The following ZDHHC2 variants were observed in gnomAD, a reference collection of about 807,000 sequenced individuals.
The protein encoded by ZDHHC2 is palmitoyltransferase ZDHHC2.
Under a neutral mutation model 55.6 loss-of-function variants are expected in ZDHHC2, and 51 were observed. The observed-to-expected ratio is 0.92, with a 90% CI of 0.73 to 1.16. The LOEUF is 1.16. ZDHHC2 is among the 50% of genes most tolerant of loss of function. The pLI, the probability that ZDHHC2 is intolerant of heterozygous loss-of-function variation, is 0.00. For synonymous variants in ZDHHC2, 199 were observed against 152.9 expected, an observed-to-expected ratio of 1.30 and a Z score of -2.22; for missense variants, 491 against 442.4, an observed-to-expected ratio of 1.11 and a Z score of -0.99.
chr8:17,178,871 A>C (rs1237375032), intron 1 of ZDHHC2, among the ~76,000 whole-genome samples: 2 of 152,200 alleles, frequency 1.3e-5, no homozygotes, highest in African/African-American at 2.4e-5. Flanking sequence ...ATAACAAAAA[A>C]CTGTCACTCT....
chr8:17,194,844 T>C (rs1806224027), intron 3 of ZDHHC2, among the ~76,000 whole-genome samples: 1 of 152,182 alleles, frequency 6.6e-6, no homozygotes, highest in Non-Finnish European at 1.5e-5. Flanking sequence ...CTGAGATTTT[T>C]CTTGTACATG....
intron 1 of ZDHHC2, among the ~76,000 whole-genome samples, chr8:17,181,323 T>A (rs1348664100): frequency 6.6e-6 from 1 of 152,186 alleles, no homozygotes; most frequent in African/African-American, 2.4e-5. Flanking sequence ...TTTAATATGA[T>A]CCAGCAGAGC....
chr8:17,203,291 G>T (rs1183384991), intron 6 of ZDHHC2, among the ~76,000 whole-genome samples: 2 of 151,930 alleles, frequency 1.3e-5, no homozygotes, highest in African/African-American at 4.8e-5. Context: ...TTGTCGCCCA[G>T]GCTGGAGTGC....
intron 12 of ZDHHC2, among the ~76,000 whole-genome samples, chr8:17,218,305 G>C (rs1413871416): frequency 1.3e-5 from 2 of 152,112 alleles, no homozygotes; most frequent in Admixed American, 1.3e-4. Context: ...TAATTTTAGA[G>C]TATAGCTATA....
rs1201617548 is a variant in ZDHHC2 at position 17,205,642 on chromosome 8, G to T, written c.477-13G>T. 2.5e-6 allele frequency: 4 copies of T among 1,584,822 alleles called. No individual in the cohort carries two copies. The highest frequency in any genetic ancestry group is 3.4e-6 in the Non-Finnish European group (4 of 1,170,626). Reference sequence around the variant, plus strand: ...TGTAAAACTCACTGGAAATGTTTTTGTTTTGTTAACAGGGTGAACAATTGT... The same window carrying T: ...TGTAAAACTCACTGGAAATGTTTTTTTTTTGTTAACAGGGTGAACAATTGT... On this transcript the variant is annotated splice_polypyrimidine_tract_variant and intron_variant, in intron 6 of 12. Coordinates refer to ENST00000262096, the MANE Select transcript of ZDHHC2 (RefSeq NM_016353.5).
intron 1 of ZDHHC2, among the ~76,000 whole-genome samples, chr8:17,174,392 C>G (rs1403905084): frequency 6.6e-6 from 1 of 152,162 alleles, no homozygotes; most frequent in Non-Finnish European, 1.5e-5. Context: ...ATCACGAAGA[C>G]TTGGAATGCG....
Position 17,158,484 on chromosome 8 carries a change from G to A in ZDHHC2, c.130+1631G>A, listed in dbSNP as rs578259326. Among the ~76,000 whole-genome samples, 41 of 152,348 alleles carry A rather than the reference G, an allele frequency of 2.7e-4. 1 individual carries two copies. The highest frequency in any genetic ancestry group is 9.4e-4 in the African/African-American group (39 of 41,580). ...CATTAAGAGGAAGCATTTGAAGGCA[G>A]AGAGAGCTCTTCTGCCCGTTAGAAG... On this transcript the variant is annotated intron_variant, in intron 1 of 12. Transcript: ENST00000262096.
chr8:17,206,881 A>G (rs1000862728), intron 7 of ZDHHC2, among the ~76,000 whole-genome samples: 2 of 152,172 alleles, frequency 1.3e-5, no homozygotes, highest in African/African-American at 2.4e-5. Context: ...ATTTAATACC[A>G]AAGAGTTATT....
At chr8:17,187,486 A>C (rs539869702) in intron 3 of ZDHHC2, among the ~76,000 whole-genome samples, 8 of 152,330 alleles carry the variant, frequency 5.3e-5, no homozygotes, top group African/African-American at 1.9e-4. Flanking sequence ...CAAAAAAGCC[A>C]ATAAATATGC....
At chr8:17,210,537 T>A (rs745617930) in intron 10 of ZDHHC2, 57 bp downstream of exon 10, 4 of 1,430,130 alleles carry the variant, frequency 2.8e-6, no homozygotes, top group Non-Finnish European at 3.8e-6. Flanking sequence ...CCATATTGTG[T>A]CTTTTGGTTA....
chr8:17,179,029 C>T (rs1392477959), intron 1 of ZDHHC2, among the ~76,000 whole-genome samples: 1 of 152,170 alleles, frequency 6.6e-6, no homozygotes, highest in East Asian at 1.9e-4. Context: ...CAGCTCACTG[C>T]AGCCTCGACC....
At chr8:17,160,265 C>A (rs1804271365) in intron 1 of ZDHHC2, among the ~76,000 whole-genome samples, 1 of 152,204 alleles carries the variant, frequency 6.6e-6, no homozygotes. Flanking sequence ...CTTCCACATA[C>A]ACTTGTGTAA....
At chr8:17,168,355 A>AAAC (rs1344086276) in intron 1 of ZDHHC2, among the ~76,000 whole-genome samples, 1 of 152,190 alleles carries the variant, frequency 6.6e-6, no homozygotes, top group Non-Finnish European at 1.5e-5. Context: ...ATGAGATGTT[A>AAAC]AACAACAGTG....
chr8:17,198,498 A>G (rs368384392), intron 6 of ZDHHC2, 85 bp downstream of exon 6: 9 of 1,275,096 alleles, frequency 7.1e-6, no homozygotes, highest in Non-Finnish European at 9.6e-6. Flanking sequence ...ATCTTTTCAC[A>G]CATGAAATAT....
At chr8:17,169,770 G>A (rs17687043) in intron 1 of ZDHHC2, among the ~76,000 whole-genome samples, 10,244 of 152,178 alleles carry the variant, frequency 0.067, 1,013 homozygotes, top group East Asian at 0.35. Context: ...AGATACAGGC[G>A]GGAAACCTGA....
chr8:17,199,509 T>TTCTTCGTCTTCTTCTTCG (rs1806543074), intron 6 of ZDHHC2, among the ~76,000 whole-genome samples: 6 of 121,116 alleles, frequency 5.0e-5, no homozygotes, highest in African/African-American at 2.2e-4. Flanking sequence ...CTTCTTCTTC[T>TTCTTCGTCTTCTTCTTCG]TCTTCGTCTT....
At chr8:17,169,583 C>T (rs1804757192) in intron 1 of ZDHHC2, among the ~76,000 whole-genome samples, 1 of 152,138 alleles carries the variant, frequency 6.6e-6, no homozygotes. Flanking sequence ...GCCGTGAATG[C>T]ATCGTGAATA....
Position 17,169,402 on chromosome 8 carries a change from G to A in ZDHHC2, c.130+12549G>A, listed in dbSNP as rs141118066. ...CGGGCATGCCCAGGGCAGAAAACTC[G>A]AGGGCCTCTAGCTTACTGCATATAG... On this transcript the variant is annotated intron_variant, in intron 1 of 12. Coordinates refer to ENST00000262096, the MANE Select transcript of ZDHHC2 (RefSeq NM_016353.5). Among the ~76,000 whole-genome samples, 210 of 152,222 alleles carry A rather than the reference G, an allele frequency of 1.4e-3. 4 individuals are homozygous for A. The highest frequency in any genetic ancestry group is 0.013 in the Admixed American group (198 of 15,284).
intron 2 of ZDHHC2, 100 bp downstream of exon 2, chr8:17,184,915 AT>A: frequency 1.9e-6 from 2 of 1,056,466 alleles, no homozygotes; most frequent in Non-Finnish European, 2.7e-6. Context: ...TTGTTTGAGA[AT>A]GTGGAGACAA....
Sources: gnomAD v4.1 joint callset for allele counts (sites outside exome capture counted in the v4.1 genomes callset) on GRCh38, gnomAD v4.1.1 for gene constraint, MANE v1.5 for transcripts, NCBI Gene and HGNC (gene_info 2026-07-23, HGNC 2026-07-21) for gene names.